DNAJB1: variants seen among roughly 807,000 people sequenced by gnomAD.
DNAJB1 encodes DnaJ heat shock protein family (Hsp40) member B1.
In DNAJB1, 14 loss-of-function variants were observed where a neutral mutation model predicts 24.0. That is an observed-to-expected ratio of 0.58 (90% CI 0.39 to 0.91). DNAJB1 has a LOEUF of 0.91. Among genes scored for constraint, DNAJB1 ranks in the 40% least tolerant of loss-of-function variants. DNAJB1 has a pLI of 0.00. For missense variants in DNAJB1, 517 were observed against 458.1 expected (o/e 1.13, Z -1.17); for synonymous variants, 262 against 174.4 (o/e 1.50, Z -3.96).
rs765761666 is a variant in DNAJB1 at position 14,517,012 on chromosome 19, G to A, written c.246C>T (p.Gly82=). ...LKGSGPSGGS[G]GGANGTSFSY... ...TGAAAGAGGTACCATTGGCACCACC[G>A]CCGCTACCGCCACTGGGGCCACTCC... Residue 82 remains glycine (G), a synonymous_variant, in exon 2 of 3, where the codon GGC becomes GGT. Transcript: ENST00000254322. 8 of 1,609,186 alleles carry A rather than the reference G, an allele frequency of 5.0e-6. No individual in the cohort carries two copies. The highest frequency in any genetic ancestry group is 2.2e-5 in the East Asian group (1 of 44,852).
At chr19:14,529,387 A>G (rs1200173133), upstream of DNAJB1, 3 of 547,304 alleles carry the variant, frequency 5.5e-6, no homozygotes, top group South Asian at 2.0e-5. Context: ...GGATTGGTGG[A>G]TGGTCAAGCC....
intron 1 of DNAJB1, chr19:14,517,797 C>T: frequency 4.4e-6 from 1 of 228,782 alleles, no homozygotes; most frequent in Non-Finnish European, 8.5e-6. Context: ...CAGGTGAGCC[C>T]GGGTCCGCAG....
At chr19:14,533,386 C>T (rs1476790690), upstream of DNAJB1, among the ~76,000 whole-genome samples, 3 of 151,922 alleles carry the variant, frequency 2.0e-5, no homozygotes, top group Non-Finnish European at 4.4e-5. Flanking sequence ...CACCACTGCA[C>T]TCCAGCCTGG....
chr19:14,554,843 A>T (rs2073661920), upstream of DNAJB1, among the ~76,000 whole-genome samples: 1 of 150,242 alleles, frequency 6.7e-6, no homozygotes, highest in South Asian at 2.1e-4. Flanking sequence ...CAGTGGCCTG[A>T]CCTCTGCTCA....
At chr19:14,543,411 A>ATTTTTTT (rs2073180838) in intron 1 of DNAJB1, among the ~76,000 whole-genome samples, 1 of 9,114 alleles carries the variant, frequency 1.1e-4, no homozygotes, top group African/African-American at 3.6e-4. Flanking sequence ...ATATATATAT[A>ATTTTTTT]TATATATATT....
upstream of DNAJB1, chr19:14,518,555 TC>T (rs2146525361): frequency 5.2e-6 from 2 of 386,612 alleles, no homozygotes; most frequent in Admixed American, 9.4e-5. Flanking sequence ...GGCCTCGCCG[TC>T]AACGGCCGCC....
chr19:14,556,435 C>T (rs987136129), intron 1 of DNAJB1, among the ~76,000 whole-genome samples: 1 of 52,264 alleles, frequency 1.9e-5, no homozygotes, highest in Non-Finnish European at 4.1e-5. Flanking sequence ...CAAAAAAAAC[C>T]ACATTGTGAC....
chr19:14,518,440 G>C (rs2072318459), upstream of DNAJB1: 2 of 1,106,192 alleles, frequency 1.8e-6, no homozygotes, highest in Non-Finnish European at 2.4e-6. Flanking sequence ...TCCGGCGGAA[G>C]CTTCCAGAGC....
intron 2 of DNAJB1, among the ~76,000 whole-genome samples, chr19:14,524,845 C>CAAAAAAAAATAA (rs2072401009): frequency 8.9e-6 from 1 of 112,200 alleles, no homozygotes; most frequent in Admixed American, 8.9e-5. Flanking sequence ...GACTCGTTCT[C>CAAAAAAAAATAA]AAAAAAAAAA....
chr19:14,526,969 C>G (rs902554648), intron 2 of DNAJB1, among the ~76,000 whole-genome samples: 1 of 151,640 alleles, frequency 6.6e-6, no homozygotes, highest in Non-Finnish European at 1.5e-5. Flanking sequence ...TTTGGGAGGC[C>G]GAGGAGGGAG....
At chr19:14,550,057 T>C (rs2073443429) in intron 1 of DNAJB1, among the ~76,000 whole-genome samples, 1 of 152,044 alleles carries the variant, frequency 6.6e-6, no homozygotes, top group Non-Finnish European at 1.5e-5. Context: ...ACATATTACA[T>C]ATAGCGATTT....
intron 1 of DNAJB1, among the ~76,000 whole-genome samples, chr19:14,537,636 T>C (rs1364784859): frequency 2.0e-5 from 3 of 152,164 alleles, no homozygotes; most frequent in African/African-American, 7.2e-5. Flanking sequence ...TTGCTGATAC[T>C]GATAGTGGCA....
chr19:14,554,762 T>G (rs1407860826), upstream of DNAJB1, among the ~76,000 whole-genome samples: 1 of 151,860 alleles, frequency 6.6e-6, no homozygotes, highest in African/African-American at 2.4e-5. Context: ...TGTCCAGAAT[T>G]TCACTGCTTG....
chr19:14,516,467 T>G lies in DNAJB1; in HGVS notation c.791A>C (p.Glu264Ala). The stretch of plus-strand genomic sequence containing the variant: ...ACACCGCCCCACCTGGCACCTTACC[T>G]CCCGGAGGCTGATCCTGGCAGGATA... ...VIYPARISLR[E>A]ALCGCTVNVP... The change falls in exon 2 of 3, where the codon GAG becomes GCG. Residue 264 changes from glutamate to alanine, a missense_variant and splice_region_variant. Physicochemically the swap from Glu to Ala is moderately radical, Grantham distance 107. Transcript: ENST00000254322. The G allele has an allele frequency of 6.2e-7, 1 of 1,609,596 alleles. No individual in the cohort carries two copies. The highest frequency in any genetic ancestry group is 8.5e-7 in the Non-Finnish European group (1 of 1,176,676).
intron 1 of DNAJB1, among the ~76,000 whole-genome samples, chr19:14,549,363 C>T (rs1443061677): frequency 1.3e-5 from 2 of 152,038 alleles, no homozygotes; most frequent in Non-Finnish European, 2.9e-5. Context: ...CAGGCATGCG[C>T]CACCATGCCC....
chr19:14,523,945 C>T (rs979826331), intron 2 of DNAJB1, among the ~76,000 whole-genome samples: 9 of 152,146 alleles, frequency 5.9e-5, no homozygotes, highest in African/African-American at 2.2e-4. Flanking sequence ...CTAACACTGA[C>T]ATGGCCAAGC....
chr19:14,529,418 A>G (rs1340437237), upstream of DNAJB1: 1 of 601,292 alleles, frequency 1.7e-6, no homozygotes, highest in Non-Finnish European at 3.0e-6. Flanking sequence ...AGCCCCTCCT[A>G]CAGGCGTTCC....
intron 1 of DNAJB1, among the ~76,000 whole-genome samples, chr19:14,545,509 G>A (rs1191439171): frequency 6.6e-6 from 1 of 152,154 alleles, no homozygotes; most frequent in Non-Finnish European, 1.5e-5. Flanking sequence ...AAGCCTAGGG[G>A]GTGGGGGGGA....
Position 14,516,970 on chromosome 19 carries a change from T to G in DNAJB1, c.288A>C (p.Gly96=), listed in dbSNP as rs2072276508. 6.2e-7 allele frequency: 1 copy of G among 1,613,100 alleles called. No homozygotes were observed. The highest frequency in any genetic ancestry group is 2.2e-5 in the East Asian group (1 of 44,886). Residue 96 remains glycine (G), a synonymous_variant, in exon 2 of 3, where the codon GGA becomes GGC. Transcript: ENST00000254322. ...NGTSFSYTFH[G]DPHAMFAEFF... ...ACTCAGCAAACATGGCATGAGGGTC[T>G]CCATGGAATGTGTAGCTGAAAGAGG...
Sources: allele counts gnomAD v4.1 joint callset (sites outside exome capture counted in the v4.1 genomes callset), GRCh38; gene constraint gnomAD v4.1.1; transcripts MANE v1.5; gene names NCBI Gene and HGNC (gene_info 2026-07-23, HGNC 2026-07-21).